KCNQ1: variants seen among roughly 807,000 people sequenced by gnomAD.
The protein encoded by KCNQ1 is potassium voltage-gated channel subfamily Q member 1.
KCNQ1 carries 49 observed loss-of-function variants against 72.4 expected under a neutral mutation model. That is an observed-to-expected ratio of 0.68 (90% CI 0.54 to 0.86). KCNQ1 has a LOEUF of 0.86. Among genes scored for constraint, KCNQ1 ranks in the 40% least tolerant of loss-of-function variants. The pLI is 0.00. For synonymous variants in KCNQ1, 450 were observed against 412.6 expected, an observed-to-expected ratio of 1.09 and a Z score of -1.10; for missense variants, 790 against 945.1, an observed-to-expected ratio of 0.84 and a Z score of 2.15.
intron 10 of KCNQ1, chr11:2,650,251 G>A: frequency 2.5e-6 from 1 of 398,442 alleles, no homozygotes; most frequent in Non-Finnish European, 4.4e-6. Flanking sequence ...GTTTCCTTAA[G>A]ATTTCCTTTA....
chr11:2,609,267 A>G (rs771214727), intron 10 of KCNQ1: 30 of 398,150 alleles, frequency 7.5e-5, no homozygotes, highest in Middle Eastern at 1.2e-3. Context: ...TCCCTTGTGA[A>G]TTCTTTCACC....
At chr11:2,700,288 C>T (rs1304236493) in intron 11 of KCNQ1, among the ~76,000 whole-genome samples, 8 of 152,124 alleles carry the variant, frequency 5.3e-5, no homozygotes, top group Admixed American at 2.0e-4. Flanking sequence ...TGAGCACCAC[C>T]GGGGGCCGGG....
At chr11:2,814,863 A>G (rs765931119) in intron 15 of KCNQ1, among the ~76,000 whole-genome samples, 3 of 152,186 alleles carry the variant, frequency 2.0e-5, no homozygotes, top group African/African-American at 7.2e-5. Flanking sequence ...GGACTCTTCC[A>G]TGCTCATCAG....
Position 2,815,252 on chromosome 11 carries a change from T to C in KCNQ1, c.1795-32515T>C, listed in dbSNP as rs1476654403. Among the ~76,000 whole-genome samples, 4 of 152,130 alleles carry C rather than the reference T, an allele frequency of 2.6e-5. No individual in the cohort carries two copies. The highest frequency in any genetic ancestry group is 4.4e-5 in the Non-Finnish European group (3 of 68,002). On this transcript the variant is annotated intron_variant, in intron 15 of 15. Transcript: ENST00000155840. The surrounding 1 kb of genome is among the most constrained non-coding windows in gnomAD (Gnocchi z 5.4). ...ATTCTCTAGGGGCCTTGGGGGTGTC[T>C]AGGCTGCCACCACAGCATCCACACT...
At chr11:2,798,563 AT>A (rs1176613193) in intron 15 of KCNQ1, among the ~76,000 whole-genome samples, 6 of 150,770 alleles carry the variant, frequency 4.0e-5, no homozygotes, top group African/African-American at 1.2e-4. Context: ...AAAAAAAAAA[AT>A]ACCCACTCTA....
rs1850443317 is a variant in KCNQ1 at position 2,683,988 on chromosome 11, T to G, written c.1514+21907T>G. 2.5e-6 allele frequency: 1 copy of G among 398,430 alleles called. No individual in the cohort carries two copies. Among genetic ancestry groups the G allele is most frequent in the South Asian group, 1.3e-4 (1 of 7,860 alleles). The allele number at this position is 398,430 out of a possible 1,614,324, so 24.7% of individuals were successfully genotyped here. ...TTTTTTTTTTTTCATTTAGAAGAAT[T>G]TCCTTGGCAACTCCGTCTCTCCTTA... On this transcript the variant is annotated intron_variant, in intron 11 of 15. Coordinates refer to ENST00000155840, the MANE Select transcript of KCNQ1 (RefSeq NM_000218.3). The surrounding 1 kb of genome is among the most constrained non-coding windows in gnomAD (Gnocchi z 4.7).
intron 11 of KCNQ1, among the ~76,000 whole-genome samples, chr11:2,707,742 G>C (rs1301280908): frequency 1.3e-5 from 2 of 152,240 alleles, no homozygotes; most frequent in African/African-American, 4.8e-5. Context: ...CAAGGGATTG[G>C]GCAGGCCTTA....
chr11:2,470,021 G>C (rs1846420050), intron 1 of KCNQ1, among the ~76,000 whole-genome samples: 1 of 151,596 alleles, frequency 6.6e-6, no homozygotes, highest in South Asian at 2.1e-4. Flanking sequence ...GAAGTGCTTG[G>C]TGCTATGACG....
In KCNQ1 at chr11:2,598,446, A is replaced by G. The variant is rs1322382021; in HGVS notation, c.1393+9592A>G. ...TTCTTTGTCTCCAAGTATGAAAATAACATCATTATTTTTGTAAATGCTCCA... is the reference window on the plus strand; with the variant it reads ...TTCTTTGTCTCCAAGTATGAAAATAGCATCATTATTTTTGTAAATGCTCCA... On this transcript the variant is annotated intron_variant, in intron 10 of 15. Coordinates refer to ENST00000155840, the MANE Select transcript of KCNQ1 (RefSeq NM_000218.3). The surrounding 1 kb of genome is among the most constrained non-coding windows in gnomAD (Gnocchi z 6.2). Among the ~76,000 whole-genome samples the G allele has an allele frequency of 6.6e-6, 1 of 152,194 alleles. No individual in the cohort carries two copies. The highest frequency in any genetic ancestry group is 1.9e-4 in the East Asian group (1 of 5,206).
chr11:2,736,302 C>T (rs527736838), intron 11 of KCNQ1, among the ~76,000 whole-genome samples: 159 of 152,304 alleles, frequency 1.0e-3, no homozygotes, highest in East Asian at 3.3e-3. Context: ...GGCGACCGAG[C>T]TTGGGCCGTA....
chr11:2,744,290 G>T (rs1043635159), intron 11 of KCNQ1, among the ~76,000 whole-genome samples: 3 of 152,258 alleles, frequency 2.0e-5, no homozygotes, highest in Non-Finnish European at 4.4e-5. Context: ...CACCAATGCG[G>T]CACTCAGAGA....
intron 15 of KCNQ1, among the ~76,000 whole-genome samples, chr11:2,795,174 C>T (rs1016859400): frequency 7.2e-5 from 11 of 152,358 alleles, no homozygotes; most frequent in African/African-American, 2.4e-4. Context: ...CTCCGCATCT[C>T]GCCTCCCCTA....
Position 2,663,713 on chromosome 11 carries a change from T to C in KCNQ1, c.1514+1632T>C. ...CCAGGCCTTACCAACTCTTGGGTCT[T>C]GCAAGGCCCCTGCAGGTGAAGGTGG... is the stretch of plus-strand genomic sequence containing the variant. On this transcript the variant is annotated intron_variant, in intron 11 of 15. Transcript: ENST00000155840. This position sits in a 1 kb window ranked among gnomAD's most constrained non-coding sequence, Gnocchi z 5.2. The C allele has an allele frequency of 5.0e-6, 2 of 398,712 alleles. No individual in the cohort carries two copies. Among genetic ancestry groups the C allele is most frequent in the Non-Finnish European group, 4.4e-6 (1 of 226,104 alleles). 24.7% of individuals were successfully genotyped at this position (398,712 alleles called of 1,614,324 possible). A position where few individuals can be genotyped will look rare whatever the true frequency, so the allele number is the denominator to read the frequency against.
rs1450768295 is a variant in KCNQ1 at position 2,723,847 on chromosome 11, G to A, written c.1515-44997G>A. On this transcript the variant is annotated intron_variant, in intron 11 of 15. Coordinates refer to ENST00000155840, the MANE Select transcript of KCNQ1 (RefSeq NM_000218.3). The surrounding 1 kb of genome is among the most constrained non-coding windows in gnomAD (Gnocchi z 4.2). ...TGTCCCATTTGCTCATGACATGGTG[G>A]TCAAAGCAAGTCACGGATTCCAGGG... 6.6e-6 allele frequency among the ~76,000 whole-genome samples: 1 copy of A among 152,344 alleles called. No individual in the cohort carries two copies. Among genetic ancestry groups the A allele is most frequent in the Admixed American group, 6.5e-5 (1 of 15,308 alleles).
intron 15 of KCNQ1, among the ~76,000 whole-genome samples, chr11:2,819,122 C>T (rs1490118867): frequency 2.0e-5 from 3 of 152,218 alleles, no homozygotes; most frequent in Admixed American, 2.0e-4. Context: ...TTCATTCATT[C>T]ATTCATTCAA....
rs1216533561 is a variant in KCNQ1, at chr11:2,483,917, GC to G, written c.386+38437del. 1.3e-5 allele frequency among the ~76,000 whole-genome samples: 2 copies of G among 152,120 alleles called. No individual in the cohort carries two copies. Among genetic ancestry groups the G allele is most frequent in the African/African-American group, 4.8e-5 (2 of 41,416 alleles). ...GCTGCCTTTTTTCTCCTGAGATTTTGCCCCGCTGATTTTAGTGCCCATCAGC... is the reference window on the plus strand; with the variant it reads ...GCTGCCTTTTTTCTCCTGAGATTTTGCCCGCTGATTTTAGTGCCCATCAGC... On this transcript the variant is annotated intron_variant, in intron 1 of 15. Transcript: ENST00000155840. The surrounding 1 kb of genome is among the most constrained non-coding windows in gnomAD (Gnocchi z 6.1).
chr11:2,792,391 C>G (rs1161491888), intron 15 of KCNQ1, among the ~76,000 whole-genome samples: 1 of 152,192 alleles, frequency 6.6e-6, no homozygotes, highest in Non-Finnish European at 1.5e-5. Flanking sequence ...CAGAAAACCC[C>G]CAGCACACGG....
chr11:2,497,370 A>G lies in KCNQ1; in HGVS notation c.387-30558A>G, dbSNP rs890015163. Among the ~76,000 whole-genome samples the G allele has an allele frequency of 1.4e-4, 22 of 151,938 alleles. No homozygotes were observed. The highest frequency in any genetic ancestry group is 3.1e-4 in the Non-Finnish European group (21 of 67,998). On this transcript the variant is annotated intron_variant, in intron 1 of 15. Coordinates refer to ENST00000155840, the MANE Select transcript of KCNQ1 (RefSeq NM_000218.3). This position sits in a 1 kb window ranked among gnomAD's most constrained non-coding sequence, Gnocchi z 4.5. ...TTGGAGGTTTTGTTCGTTCTTTTTCATCATTTTTTCTCTAATCTTGTCTGC... is the reference window on the plus strand; with the variant it reads ...TTGGAGGTTTTGTTCGTTCTTTTTCGTCATTTTTTCTCTAATCTTGTCTGC...
chr11:2,754,565 C>CT (rs1846271463), intron 11 of KCNQ1, among the ~76,000 whole-genome samples: 1 of 152,206 alleles, frequency 6.6e-6, no homozygotes, highest in Non-Finnish European at 1.5e-5. Flanking sequence ...ACAGAGAGCC[C>CT]TGAAGAGATC....
Sources: gnomAD v4.1 joint callset for allele counts (sites outside exome capture counted in the v4.1 genomes callset) on GRCh38, gnomAD v4.1.1 for gene constraint, Gnocchi (gnomAD v3.1) non-coding constraint, MANE v1.5 for transcripts, NCBI Gene and HGNC (gene_info 2026-07-23, HGNC 2026-07-21) for gene names.